NTN1: variants seen among roughly 807,000 people sequenced by gnomAD.
The protein encoded by NTN1 is netrin-1.
In NTN1, 11 loss-of-function variants were observed where a neutral mutation model predicts 54.2. The ratio of observed to expected loss-of-function variants is 0.20; its 90% CI spans 0.13 to 0.34. The LOEUF (loss-of-function observed/expected upper bound fraction) is 0.34, where lower values mean the gene tolerates loss of function less well. Ranked by LOEUF, NTN1 falls within the 10% of genes least tolerant of loss-of-function variation. The probability of loss-of-function intolerance (pLI) is 1.00; values close to 1 mark genes in which losing one functional copy is unlikely to be tolerated. For synonymous variants in NTN1, 371 were observed against 382.0 expected, an observed-to-expected ratio of 0.97 and a Z score of 0.33; for missense variants, 740 against 893.1, an observed-to-expected ratio of 0.83 and a Z score of 2.18.
intron 2 of NTN1, among the ~76,000 whole-genome samples, chr17:9,073,772 C>CA: frequency 6.6e-6 from 1 of 152,324 alleles, no homozygotes; most frequent in Non-Finnish European, 1.5e-5. Context: ...TCCATGGTCC[C>CA]ACTTGGTGGG....
At chr17:9,029,419 GCAGGGGGTAT>G (rs2091881899) in intron 2 of NTN1, among the ~76,000 whole-genome samples, 1 of 152,190 alleles carries the variant, frequency 6.6e-6, no homozygotes, top group Admixed American at 6.5e-5. Context: ...TGCAGAGAGA[GCAGGGGGTAT>G]CAGGAGCGTT....
At chr17:9,025,137 A>C (rs2091865845) in intron 2 of NTN1, among the ~76,000 whole-genome samples, 1 of 152,230 alleles carries the variant, frequency 6.6e-6, no homozygotes, top group Non-Finnish European at 1.5e-5. Flanking sequence ...ATTTAGGCGA[A>C]TAAACTTGAT....
intron 2 of NTN1, among the ~76,000 whole-genome samples, chr17:9,059,875 G>C (rs976540387): frequency 3.3e-5 from 5 of 150,512 alleles, no homozygotes; most frequent in African/African-American, 4.9e-5. Flanking sequence ...AGACTCAAGA[G>C]GGCAAGTCTA....
chr17:9,193,751 C>T (rs929041893), intron 5 of NTN1, among the ~76,000 whole-genome samples: 4 of 150,988 alleles, frequency 2.6e-5, no homozygotes, highest in East Asian at 3.9e-4. Context: ...GGAGAAACCC[C>T]GTCTCTAGTA....
chr17:9,015,792 C>T, the NTN1 span, among the ~76,000 whole-genome samples: 5 of 152,062 alleles, frequency 3.3e-5, no homozygotes, highest in Non-Finnish European at 4.4e-5. Context: ...AACTCCGGGC[C>T]GAGCGTGGTG....
chr17:9,081,646 G>C (rs769169955), intron 2 of NTN1, among the ~76,000 whole-genome samples: 1 of 152,200 alleles, frequency 6.6e-6, no homozygotes, highest in Non-Finnish European at 1.5e-5. Context: ...CGCAGAGAGA[G>C]CTCTGGCCTC....
chr17:9,034,978 GCT>G (rs67441186), intron 2 of NTN1, among the ~76,000 whole-genome samples: 2 of 152,018 alleles, frequency 1.3e-5, no homozygotes, highest in East Asian at 1.9e-4. Flanking sequence ...ACGGAGTTTC[GCT>G]CTGTCGCCCA....
intron 5 of NTN1, among the ~76,000 whole-genome samples, chr17:9,220,206 C>T (rs1195910258): frequency 6.6e-6 from 1 of 152,178 alleles, no homozygotes; most frequent in Non-Finnish European, 1.5e-5. Context: ...GGCTTACCCT[C>T]TTTGAGCCTC....
the NTN1 span, among the ~76,000 whole-genome samples, chr17:9,010,979 G>A: frequency 6.6e-6 from 1 of 151,938 alleles, no homozygotes; most frequent in African/African-American, 2.4e-5. Context: ...GCAACTAGAT[G>A]GTCCTATCTG....
rs776507980 is a variant in NTN1 at position 9,179,849 on chromosome 17, A to G, written c.1250A>G (p.Asn417Ser). Residue 417 changes from asparagine (N) to serine (S), a missense_variant, in exon 4 of 7, where the codon AAC becomes AGC. By Grantham distance (46) the Asn-to-Ser change is conservative. Coordinates refer to ENST00000173229, the MANE Select transcript of NTN1 (RefSeq NM_004822.3). ...GTGGGTGCTGCTGGCAAAACCTGCA[A>G]CCAAACCACCGGCCAGTGTCCCTGC... is the stretch of plus-strand genomic sequence containing the variant. ...HPVGAAGKTC[N>S]QTTGQCPCKD... is the part of the protein sequence containing the mutation. 6.2e-7 allele frequency: 1 copy of G among 1,614,072 alleles called. No homozygotes were observed. The highest frequency in any genetic ancestry group is 8.5e-7 in the Non-Finnish European group (1 of 1,179,998).
chr17:9,183,729 A>C, intron 5 of NTN1: 1 of 184,782 alleles, frequency 5.4e-6, no homozygotes, highest in Non-Finnish European at 1.1e-5. Flanking sequence ...CAGTATTATT[A>C]ATTTCCTTTG....
intron 2 of NTN1, among the ~76,000 whole-genome samples, chr17:9,130,100 G>T (rs1215834772): frequency 6.6e-6 from 1 of 152,196 alleles, no homozygotes; most frequent in South Asian, 2.1e-4. Flanking sequence ...GGGGAGTCTG[G>T]TGACACCTGG....
chr17:9,005,596 A>G, the NTN1 span, among the ~76,000 whole-genome samples: 2 of 152,194 alleles, frequency 1.3e-5, no homozygotes, highest in African/African-American at 4.8e-5. Context: ...AGCCCAAATC[A>G]GGTTCTTTAC....
rs201601631 is a variant in NTN1 at position 9,095,790 on chromosome 17, TTTTTTC to T, written c.1019-67005_1019-67000del. ...TGGAGGGAATGAGAATCTTTATAATTTTTTTCTTTTTCTTTTTCTTTTTTTTTGAGA... is the reference window on the plus strand; with the variant it reads ...TGGAGGGAATGAGAATCTTTATAATTTTTTTCTTTTTCTTTTTTTTTGAGA... On this transcript the variant is annotated intron_variant, in intron 2 of 6. Transcript: ENST00000173229. Among the ~76,000 whole-genome samples, 988 of 126,300 alleles carry T rather than the reference TTTTTTC, an allele frequency of 7.8e-3. 10 individuals are homozygous for T. The highest frequency in any genetic ancestry group is 0.027 in the African/African-American group (940 of 35,458). 82.9% of individuals were successfully genotyped at this position (126,300 alleles called of 152,430 possible).
chr17:9,144,721 C>T (rs536668624), intron 2 of NTN1, among the ~76,000 whole-genome samples: 35 of 152,376 alleles, frequency 2.3e-4, no homozygotes, highest in African/African-American at 7.9e-4. Flanking sequence ...TAGCACCTCG[C>T]TCCCCGGCCT....
chr17:9,120,180 G>A (rs1307982096), intron 2 of NTN1, among the ~76,000 whole-genome samples: 2 of 151,740 alleles, frequency 1.3e-5, no homozygotes, highest in Non-Finnish European at 2.9e-5. Flanking sequence ...AGTTACTCAG[G>A]AGGCTAAGGC....
At chr17:9,088,397 C>T (rs1204769221) in intron 2 of NTN1, among the ~76,000 whole-genome samples, 1 of 152,162 alleles carries the variant, frequency 6.6e-6, no homozygotes, top group East Asian at 1.9e-4. Flanking sequence ...AGGGTTGGGC[C>T]AGTCCTTTCC....
At chr17:9,084,236 T>C (rs929951791) in intron 2 of NTN1, among the ~76,000 whole-genome samples, 1 of 151,620 alleles carries the variant, frequency 6.6e-6, no homozygotes, top group African/African-American at 2.4e-5. Flanking sequence ...GCCTCCTGAG[T>C]AGCTGGGATT....
At chr17:9,076,325 G>A (rs529508071) in intron 2 of NTN1, among the ~76,000 whole-genome samples, 1 of 152,298 alleles carries the variant, frequency 6.6e-6, no homozygotes, top group Admixed American at 6.5e-5. Context: ...GGATGGGAAT[G>A]CCTGGACATG....
Sources: allele counts gnomAD v4.1 joint callset (sites outside exome capture counted in the v4.1 genomes callset), GRCh38; gene constraint gnomAD v4.1.1; transcripts MANE v1.5; gene names NCBI Gene and HGNC (gene_info 2026-07-23, HGNC 2026-07-21).